Variants in RALGPS2 observed in about 807,000 individuals in gnomAD.
RALGPS2 encodes the protein ras-specific guanine nucleotide-releasing factor RalGPS2.
RALGPS2 carries 43 observed loss-of-function variants against 86.8 expected under a neutral mutation model. The ratio of observed to expected loss-of-function variants is 0.50; its 90% CI spans 0.39 to 0.64. The LOEUF (loss-of-function observed/expected upper bound fraction) is 0.64, where lower values mean the gene tolerates loss of function less well. Ranked by LOEUF, RALGPS2 falls within the 30% of genes least tolerant of loss-of-function variation. RALGPS2 has a pLI of 0.00. For synonymous variants in RALGPS2, 243 were observed against 231.3 expected, an observed-to-expected ratio of 1.05 and a Z score of -0.46; for missense variants, 536 against 694.6, an observed-to-expected ratio of 0.77 and a Z score of 2.57.
intron 6 of RALGPS2, among the ~76,000 whole-genome samples, chr1:178,815,579 A>C (rs1015380177): frequency 1.3e-5 from 2 of 152,186 alleles, no homozygotes; most frequent in Non-Finnish European, 2.9e-5. Flanking sequence ...GCTATAACAA[A>C]AATACCGTTA....
At chr1:178,795,366 A>T (rs537624810) in intron 4 of RALGPS2, among the ~76,000 whole-genome samples, 2 of 152,154 alleles carry the variant, frequency 1.3e-5, no homozygotes, top group African/African-American at 4.8e-5. Context: ...AATGAGGGAA[A>T]GTATGTAATA....
At position 178,776,682 on chromosome 1, in the gene RALGPS2, G is replaced by A; in HGVS notation, c.-83G>A. The A allele has an allele frequency of 1.0e-6, 1 of 978,800 alleles. No homozygotes were observed. The allele number at this position is 978,800 out of a possible 1,614,324, so 60.6% of individuals were successfully genotyped here. On this transcript the variant is annotated splice_region_variant and 5_prime_UTR_variant, in exon 2 of 20. Transcript: ENST00000367635. ...GCTTAACTTTTTTTTTTTTTTACAG[G>A]AATAATGTATTTGTGGCCTTGGACA...
At chr1:178,741,268 A>G (rs1651010867) in intron 1 of RALGPS2, among the ~76,000 whole-genome samples, 1 of 152,230 alleles carries the variant, frequency 6.6e-6, no homozygotes, top group Non-Finnish European at 1.5e-5. Flanking sequence ...TGTTTCTGTT[A>G]CTTTCATTGT....
intron 4 of RALGPS2, among the ~76,000 whole-genome samples, chr1:178,792,764 C>A (rs1654015942): frequency 6.6e-6 from 1 of 152,154 alleles, no homozygotes; most frequent in Non-Finnish European, 1.5e-5. Flanking sequence ...GTTCCCCCTT[C>A]CTCTTGATAT....
At chr1:178,784,549 G>T (rs764098442) in intron 3 of RALGPS2, 27 bp downstream of exon 3, 11 of 1,501,888 alleles carry the variant, frequency 7.3e-6, no homozygotes, top group East Asian at 2.3e-5. Context: ...TGTCTTCTCC[G>T]GTTTTGCACA....
chr1:178,898,525 A>AT (rs1660037372), intron 17 of RALGPS2, among the ~76,000 whole-genome samples: 1 of 151,980 alleles, frequency 6.6e-6, no homozygotes, highest in Non-Finnish European at 1.5e-5. Flanking sequence ...AGAAAAGAAC[A>AT]TTTTTGGTTT....
chr1:178,803,159 T>G (rs1654563847), intron 4 of RALGPS2, among the ~76,000 whole-genome samples: 1 of 152,180 alleles, frequency 6.6e-6, no homozygotes, highest in Non-Finnish European at 1.5e-5. Context: ...TCATACTCTT[T>G]GACCTCGTGA....
chr1:178,901,773 C>T (rs112138467), intron 17 of RALGPS2, among the ~76,000 whole-genome samples: 2,799 of 151,620 alleles, frequency 0.018, 79 homozygotes, highest in African/African-American at 0.064. Context: ...ATGCAAATGT[C>T]CTTCCTATAA....
At chr1:178,803,254 A>G (rs1654568289) in intron 4 of RALGPS2, among the ~76,000 whole-genome samples, 1 of 152,210 alleles carries the variant, frequency 6.6e-6, no homozygotes, top group Non-Finnish European at 1.5e-5. Context: ...TTATAGCATT[A>G]CTTAACAATA....
At chr1:178,765,037 T>C (rs1652428354) in intron 1 of RALGPS2, among the ~76,000 whole-genome samples, 1 of 152,162 alleles carries the variant, frequency 6.6e-6, no homozygotes, top group African/African-American at 2.4e-5. Flanking sequence ...TTGCTTCCCC[T>C]TTGCCTTCTG....
chr1:178,794,319 T>C (rs1198962642), intron 4 of RALGPS2, among the ~76,000 whole-genome samples: 3 of 152,156 alleles, frequency 2.0e-5, no homozygotes, highest in Non-Finnish European at 4.4e-5. Context: ...GGTTTCACCA[T>C]GTTGGCCAGG....
chr1:178,812,609 G>A (rs1224933729), intron 6 of RALGPS2, among the ~76,000 whole-genome samples: 1 of 152,120 alleles, frequency 6.6e-6, no homozygotes, highest in African/African-American at 2.4e-5. Context: ...TATATTTTAG[G>A]GTAATATATT....
At chr1:178,829,479 G>A (rs1032574849) in intron 7 of RALGPS2, among the ~76,000 whole-genome samples, 2 of 152,160 alleles carry the variant, frequency 1.3e-5, no homozygotes, top group African/African-American at 4.8e-5. Flanking sequence ...CGCATGTGAA[G>A]GATCTAGGTT....
Position 178,906,781 on chromosome 1 carries a change from T to G in RALGPS2, c.1636T>G (p.Ser546Ala). 1 of 1,609,708 alleles carries G rather than the reference T, an allele frequency of 6.2e-7. No homozygotes were observed. Among genetic ancestry groups the G allele is most frequent in the East Asian group, 2.2e-5 (1 of 44,676 alleles). ...CTTATTTTGGATAATTTTAGGAAATTCGTACAAGTTTCAAGCTGGCAATAG... is the reference window on the plus strand; with the variant it reads ...CTTATTTTGGATAATTTTAGGAAATGCGTACAAGTTTCAAGCTGGCAATAG... ...FLLTDSEKGN[S>A]YKFQAGNRMN... Residue 546 changes from serine to alanine, a missense_variant, in exon 19 of 20, where the codon TCG becomes GCG. Coordinates refer to ENST00000367635, the MANE Select transcript of RALGPS2 (RefSeq NM_152663.5).
chr1:178,858,586 G>A (rs574943146), intron 8 of RALGPS2, among the ~76,000 whole-genome samples: 2 of 152,232 alleles, frequency 1.3e-5, no homozygotes, highest in South Asian at 4.1e-4. Flanking sequence ...CTGGAATTCT[G>A]TACATTGAAT....
chr1:178,856,880 T>A (rs565245116), intron 8 of RALGPS2, among the ~76,000 whole-genome samples: 1 of 152,288 alleles, frequency 6.6e-6, no homozygotes, highest in African/African-American at 2.4e-5. Flanking sequence ...GTAGCCAATT[T>A]TAGCTCTTAA....
intron 8 of RALGPS2, among the ~76,000 whole-genome samples, chr1:178,858,982 G>A (rs1248614562): frequency 6.6e-6 from 1 of 152,186 alleles, no homozygotes; most frequent in African/African-American, 2.4e-5. Context: ...AAACTTTTCA[G>A]TTGGGTTGTG....
At chr1:178,876,541 G>A (rs542620191) in intron 8 of RALGPS2, among the ~76,000 whole-genome samples, 4 of 152,296 alleles carry the variant, frequency 2.6e-5, no homozygotes, top group East Asian at 3.9e-4. Context: ...TGGATAGGCA[G>A]AGATAAGTCC....
intron 9 of RALGPS2, 151 bp downstream of exon 9, chr1:178,877,786 G>C: frequency 5.0e-6 from 5 of 996,242 alleles, no homozygotes; most frequent in Non-Finnish European, 7.2e-6. Context: ...GTTTTATTTT[G>C]CCATTTACTA....
Sources: allele counts gnomAD v4.1 joint callset (sites outside exome capture counted in the v4.1 genomes callset), GRCh38; gene constraint gnomAD v4.1.1; transcripts MANE v1.5; gene names NCBI Gene and HGNC (gene_info 2026-07-23, HGNC 2026-07-21).